FRMD6: variants seen among roughly 807,000 people sequenced by gnomAD.
FRMD6 encodes FERM domain containing 6.
A neutral mutation model predicts 73.2 loss-of-function variants in FRMD6; 37 were observed. The ratio of observed to expected loss-of-function variants is 0.51; its 90% CI spans 0.39 to 0.66. The LOEUF is 0.66. Ranked by LOEUF, FRMD6 falls within the 30% of genes least tolerant of loss-of-function variation. The pLI is 0.00. For synonymous variants in FRMD6, 273 were observed against 282.2 expected, an observed-to-expected ratio of 0.97 and a Z score of 0.33; for missense variants, 714 against 780.5, an observed-to-expected ratio of 0.91 and a Z score of 1.02.
In FRMD6 at chr14:51,712,490, A is replaced by G; in HGVS notation, c.788A>G (p.Asp263Gly). The change falls in exon 9 of 14, where the codon GAT becomes GGT. Residue 263 changes from aspartate to glycine, a missense_variant. Physicochemically the swap from Asp to Gly is moderately conservative, Grantham distance 94. Coordinates refer to ENST00000344768, the MANE Select transcript of FRMD6 (RefSeq NM_001267046.2). ...MRGIQIFQNL[D>G]EEKQLLYDFP... ...TGCATATTCTTTTCACAGAATTTAG[A>G]TGAAGAGAAACAATTACTTTATGAT... 1 of 1,586,340 alleles carries G rather than the reference A, an allele frequency of 6.3e-7. No individual in the cohort carries two copies. Among genetic ancestry groups the G allele is most frequent in the South Asian group, 1.1e-5 (1 of 90,204 alleles).
chr14:51,622,030 C>T (rs879395863), intron 2 of FRMD6, among the ~76,000 whole-genome samples: 6 of 152,232 alleles, frequency 3.9e-5, no homozygotes, highest in Non-Finnish European at 7.3e-5. Flanking sequence ...TTTATCCAAG[C>T]TATCTTCCTG....
chr14:51,486,727 G>A (rs1311026225), upstream of FRMD6, among the ~76,000 whole-genome samples: 1 of 152,118 alleles, frequency 6.6e-6, no homozygotes, highest in African/African-American at 2.4e-5. Context: ...AGAAATTCTG[G>A]TTGTGGGTAT....
chr14:51,691,582 ATTTTGATTTT>A (rs1236449744), intron 2 of FRMD6, among the ~76,000 whole-genome samples: 4 of 105,568 alleles, frequency 3.8e-5, no homozygotes, highest in Non-Finnish European at 8.4e-5. Context: ...ATTTATTTTG[ATTTTGATTTT>A]TTTTTTTTTT....
chr14:51,413,859 T>A, the FRMD6 span, among the ~76,000 whole-genome samples: 1 of 152,228 alleles, frequency 6.6e-6, no homozygotes, highest in African/African-American at 2.4e-5. Context: ...TTCTAACTGG[T>A]GTGAGATGGT....
At chr14:51,548,768 T>G (rs900548437) in intron 1 of FRMD6, among the ~76,000 whole-genome samples, 1 of 152,166 alleles carries the variant, frequency 6.6e-6, no homozygotes, top group Non-Finnish European at 1.5e-5. Flanking sequence ...GAGGAATAAC[T>G]CTTTCTGGTG....
At chr14:51,677,017 CT>C (rs1479228090) in intron 1 of FRMD6, among the ~76,000 whole-genome samples, 1 of 152,020 alleles carries the variant, frequency 6.6e-6, no homozygotes. Context: ...CTGTTACTTG[CT>C]TTTTTCCTTA....
chr14:51,567,058 G>A (rs1031593967), intron 1 of FRMD6, among the ~76,000 whole-genome samples: 2 of 152,200 alleles, frequency 1.3e-5, no homozygotes, highest in Non-Finnish European at 2.9e-5. Context: ...TGGTATGGGA[G>A]GTGGGGAAGG....
intron 3 of FRMD6, among the ~76,000 whole-genome samples, chr14:51,700,534 C>T (rs758174648): frequency 4.5e-4 from 69 of 151,986 alleles, no homozygotes; most frequent in Non-Finnish European, 8.2e-4. Context: ...GTGTGGAACA[C>T]GGACAAGAAA....
chr14:51,494,473 T>C (rs747913400), intron 1 of FRMD6, among the ~76,000 whole-genome samples: 11 of 152,252 alleles, frequency 7.2e-5, no homozygotes, highest in Non-Finnish European at 1.3e-4. Context: ...AATCTTTGGC[T>C]TGATGCTGTG....
chr14:51,542,903 A>G (rs1244105367), intron 1 of FRMD6, among the ~76,000 whole-genome samples: 3 of 151,994 alleles, frequency 2.0e-5, no homozygotes, highest in Non-Finnish European at 4.4e-5. Flanking sequence ...CTTCTCAGCC[A>G]TTTGTATATC....
chr14:51,459,429 C>T, the FRMD6 span, among the ~76,000 whole-genome samples: 57 of 152,300 alleles, frequency 3.7e-4, no homozygotes, highest in Admixed American at 5.2e-4. Context: ...TTAGGTTAAG[C>T]ACCAGATTTT....
intron 1 of FRMD6, among the ~76,000 whole-genome samples, chr14:51,513,285 C>G (rs1884422154): frequency 6.6e-6 from 1 of 152,214 alleles, no homozygotes; most frequent in Non-Finnish European, 1.5e-5. Context: ...CCAAAACAGG[C>G]TGCATTTCCT....
chr14:51,616,490 G>A (rs773450023), intron 2 of FRMD6, among the ~76,000 whole-genome samples: 1 of 152,200 alleles, frequency 6.6e-6, no homozygotes, highest in African/African-American at 2.4e-5. Flanking sequence ...CTGTGAGGCG[G>A]TCTTAAAGAT....
the FRMD6 span, among the ~76,000 whole-genome samples, chr14:51,398,475 C>T: frequency 1.3e-5 from 2 of 152,090 alleles, no homozygotes; most frequent in Non-Finnish European, 2.9e-5. Context: ...AAAGAACTTT[C>T]TCTCATCATC....
upstream of FRMD6, among the ~76,000 whole-genome samples, chr14:51,648,526 C>T (rs73292745): frequency 0.063 from 9,561 of 152,280 alleles, 401 homozygotes; most frequent in African/African-American, 0.11. Flanking sequence ...GTAATTCCAA[C>T]GTGCTTGCAA....
At chr14:51,414,400 T>A in the FRMD6 span, among the ~76,000 whole-genome samples, 5 of 152,262 alleles carry the variant, frequency 3.3e-5, no homozygotes, top group East Asian at 9.6e-4. Context: ...GCACCATTTA[T>A]TAAATAGGGA....
At chr14:51,427,719 A>T in the FRMD6 span, among the ~76,000 whole-genome samples, 15 of 152,224 alleles carry the variant, frequency 9.9e-5, no homozygotes, top group African/African-American at 2.4e-5. Context: ...ATGCAGTGGT[A>T]TACTTGTTAG....
chr14:51,486,179 C>T (rs1330327085), upstream of FRMD6, among the ~76,000 whole-genome samples: 3 of 152,032 alleles, frequency 2.0e-5, no homozygotes, highest in African/African-American at 4.8e-5. Flanking sequence ...GGACTACAGG[C>T]GCCCGCCACC....
rs191088011 is a variant in FRMD6 at position 51,689,653 on chromosome 14, G to A, written c.-146-38G>A. 6.0e-5 allele frequency: 36 copies of A among 598,038 alleles called. 1 individual carries two copies. Among genetic ancestry groups the A allele is most frequent in the South Asian group, 4.1e-4 (20 of 48,814 alleles). 37.0% of individuals were successfully genotyped at this position (598,038 alleles called of 1,614,324 possible). Reference sequence around the variant, plus strand: ...TGACGCGCTCTTCGCAGTCTTCACCGCCTTTCTTCAGGAGTCTCCCCTTTG... The same window carrying A: ...TGACGCGCTCTTCGCAGTCTTCACCACCTTTCTTCAGGAGTCTCCCCTTTG... On this transcript the variant is annotated intron_variant, in intron 1 of 13. Coordinates refer to ENST00000344768, the MANE Select transcript of FRMD6 (RefSeq NM_001267046.2).
Sources: gnomAD v4.1 joint callset for allele counts (sites outside exome capture counted in the v4.1 genomes callset) on GRCh38, gnomAD v4.1.1 for gene constraint, MANE v1.5 for transcripts, NCBI Gene and HGNC (gene_info 2026-07-23, HGNC 2026-07-21) for gene names.